COG5: variants seen among roughly 807,000 people sequenced by gnomAD.
COG5 encodes conserved oligomeric Golgi complex subunit 5.
In COG5, 86 loss-of-function variants were observed where a neutral mutation model predicts 110.4. That is an observed-to-expected ratio of 0.78 (90% CI 0.65 to 0.93). The LOEUF (loss-of-function observed/expected upper bound fraction) is 0.93, where lower values mean the gene tolerates loss of function less well. COG5 is among the 40% of genes least tolerant of loss of function. COG5 has a pLI of 0.00. For synonymous variants in COG5, 360 were observed against 334.6 expected, an observed-to-expected ratio of 1.08 and a Z score of -0.83; for missense variants, 1,077 against 987.0, an observed-to-expected ratio of 1.09 and a Z score of -1.22.
chr7:107,384,541 G>A (rs1391555668), intron 7 of COG5, among the ~76,000 whole-genome samples: 1 of 152,132 alleles, frequency 6.6e-6, no homozygotes, highest in Non-Finnish European at 1.5e-5. Context: ...GTAAAACTGT[G>A]CTTCACTCAC....
At chr7:107,516,481 A>G (rs1247088280) in intron 6 of COG5, among the ~76,000 whole-genome samples, 1 of 152,220 alleles carries the variant, frequency 6.6e-6, no homozygotes, top group African/African-American at 2.4e-5. Context: ...TAATTTATCA[A>G]CTTTATTCTC....
chr7:107,241,771 A>T (rs1801656817), intron 17 of COG5, among the ~76,000 whole-genome samples: 1 of 151,734 alleles, frequency 6.6e-6, no homozygotes, highest in Non-Finnish European at 1.5e-5. Flanking sequence ...TATATTTTTT[A>T]AAATAGAGAC....
intron 6 of COG5, chr7:107,470,564 G>A (rs1019263127): frequency 3.3e-5 from 5 of 152,076 alleles, no homozygotes; most frequent in Admixed American, 6.6e-5. Flanking sequence ...CTTATTGCTA[G>A]ACATGTATTT....
chr7:107,529,710 C>A (rs1425875426), intron 5 of COG5, among the ~76,000 whole-genome samples: 1 of 152,192 alleles, frequency 6.6e-6, no homozygotes, highest in African/African-American at 2.4e-5. Context: ...GGGACTCTTC[C>A]AAGCGTACTT....
intron 14 of COG5, among the ~76,000 whole-genome samples, chr7:107,268,185 C>G (rs1803954909): frequency 1.3e-5 from 2 of 152,120 alleles, no homozygotes; most frequent in Non-Finnish European, 1.5e-5. Flanking sequence ...TCAGGCTGGT[C>G]TCAAACTCCC....
intron 17 of COG5, among the ~76,000 whole-genome samples, chr7:107,239,280 T>C (rs1801437590): frequency 6.6e-6 from 1 of 152,226 alleles, no homozygotes; most frequent in African/African-American, 2.4e-5. Flanking sequence ...ACTATAAATG[T>C]GTGAGCTCAT....
intron 6 of COG5, among the ~76,000 whole-genome samples, chr7:107,430,840 C>T (rs1184507667): frequency 6.6e-6 from 1 of 151,952 alleles, no homozygotes; most frequent in Non-Finnish European, 1.5e-5. Context: ...GGAGGTTATC[C>T]TGGATAGGCC....
intron 12 of COG5, among the ~76,000 whole-genome samples, chr7:107,295,064 CACATAT>C (rs1281662298): frequency 1.0e-3 from 55 of 54,376 alleles, no homozygotes; most frequent in African/African-American, 6.0e-3. Context: ...CACACACACA[CACATAT>C]ATATATATAT....
chr7:107,274,513 C>T (rs1053958055), intron 14 of COG5, among the ~76,000 whole-genome samples: 1 of 152,056 alleles, frequency 6.6e-6, no homozygotes, highest in African/African-American at 2.4e-5. Flanking sequence ...CCGTCTTCAC[C>T]ATGAGATCAG....
intron 18 of COG5, among the ~76,000 whole-genome samples, chr7:107,235,736 A>G (rs1801138605): frequency 6.6e-6 from 1 of 152,224 alleles, no homozygotes; most frequent in Admixed American, 6.5e-5. Context: ...GGTATGCTAT[A>G]CAAAAATAAC....
At chr7:107,231,493 G>A (rs1006190796) in intron 18 of COG5, among the ~76,000 whole-genome samples, 6 of 152,014 alleles carry the variant, frequency 3.9e-5, no homozygotes, top group South Asian at 2.1e-4. Context: ...GTGCATATGC[G>A]AACTTTTTGC....
intron 7 of COG5, among the ~76,000 whole-genome samples, chr7:107,410,936 G>A (rs1205863621): frequency 1.3e-5 from 2 of 152,158 alleles, no homozygotes; most frequent in African/African-American, 4.8e-5. Context: ...AAGGGCACTA[G>A]ACTCAAGTTT....
intron 16 of COG5, 137 bp downstream of exon 16, chr7:107,256,595 T>C: frequency 1.5e-6 from 1 of 662,134 alleles, no homozygotes; most frequent in Non-Finnish European, 2.7e-6. Flanking sequence ...CTATTCTCTT[T>C]AGGATAATTA....
At chr7:107,418,947 G>A (rs911255472) in intron 6 of COG5, among the ~76,000 whole-genome samples, 2 of 152,034 alleles carry the variant, frequency 1.3e-5, no homozygotes, top group African/African-American at 4.8e-5. Context: ...GCTAATTTTT[G>A]TATTTTTAGT....
At chr7:107,496,484 C>T (rs1038692576) in intron 6 of COG5, among the ~76,000 whole-genome samples, 3 of 151,672 alleles carry the variant, frequency 2.0e-5, no homozygotes, top group Non-Finnish European at 4.4e-5. Flanking sequence ...CATGGAGAAA[C>T]CCCCATCTCT....
Position 107,350,220 on chromosome 7 carries a change from A to T in COG5, c.1026+11813T>A, listed in dbSNP as rs531802899. On this transcript the variant is annotated intron_variant, in intron 10 of 21. Coordinates refer to ENST00000297135, the MANE Select transcript of COG5 (RefSeq NM_006348.5). ...CCTCATTGGATCCTCCGTAATTTTTAAATTTCTCTTTCATATTCTTCATAA... is the reference window on the plus strand; with the variant it reads ...CCTCATTGGATCCTCCGTAATTTTTTAATTTCTCTTTCATATTCTTCATAA... Among the ~76,000 whole-genome samples the T allele has an allele frequency of 5.5e-4, 83 of 152,214 alleles. 2 individuals carry two copies. The highest frequency in any genetic ancestry group is 1.3e-3 in the African/African-American group (53 of 41,530).
chr7:107,246,585 G>A (rs1463559486), intron 17 of COG5, among the ~76,000 whole-genome samples: 3 of 151,924 alleles, frequency 2.0e-5, no homozygotes, highest in East Asian at 1.9e-4. Context: ...AAAAGAAGAC[G>A]AAGACATACA....
intron 7 of COG5, among the ~76,000 whole-genome samples, chr7:107,393,784 A>T (rs117182582): frequency 0.022 from 3,390 of 152,286 alleles, 59 homozygotes; most frequent in Non-Finnish European, 0.035. Context: ...ATACTGCAAA[A>T]GTTGCGCTAT....
At chr7:107,217,108 C>A (rs999428929) in intron 19 of COG5, among the ~76,000 whole-genome samples, 3 of 151,912 alleles carry the variant, frequency 2.0e-5, no homozygotes, top group Non-Finnish European at 2.9e-5. Context: ...GGCCACAAAT[C>A]CAGTAAACTA....
Sources: allele counts gnomAD v4.1 joint callset (sites outside exome capture counted in the v4.1 genomes callset), GRCh38; gene constraint gnomAD v4.1.1; transcripts MANE v1.5; gene names NCBI Gene and HGNC (gene_info 2026-07-23, HGNC 2026-07-21).